LIMD2: variants seen among roughly 807,000 people sequenced by gnomAD.
LIMD2 encodes the protein LIM domain containing 2.
Under a neutral mutation model 16.0 loss-of-function variants are expected in LIMD2, and 11 were observed. That is an observed-to-expected ratio of 0.69 (90% CI 0.43 to 1.14). LIMD2 has a LOEUF of 1.14. Ranked by LOEUF, LIMD2 falls within the 50% of genes most tolerant of loss-of-function variation. The pLI, the probability that LIMD2 is intolerant of heterozygous loss-of-function variation, is 0.00. For synonymous variants in LIMD2, 60 were observed against 67.1 expected, an observed-to-expected ratio of 0.89 and a Z score of 0.52; for missense variants, 168 against 165.8, an observed-to-expected ratio of 1.01 and a Z score of -0.07.
chr17:63,699,355 G>T lies in LIMD2; in HGVS notation c.-50-7C>A. The T allele has an allele frequency of 1.3e-6, 2 of 1,555,384 alleles. No homozygotes were observed. The highest frequency in any genetic ancestry group is 1.7e-6 in the Non-Finnish European group (2 of 1,151,436). On this transcript the variant is annotated splice_polypyrimidine_tract_variant and splice_region_variant and intron_variant, in intron 1 of 4. Transcript: ENST00000259006. ...AAGCGGCACCCGCTGGGTTCTGCAA[G>T]GGGAAGTCAGTCGGGAGGGCCCCGC...
intron 1 of LIMD2, chr17:63,699,661 G>A: frequency 3.6e-6 from 1 of 277,608 alleles, no homozygotes; most frequent in Non-Finnish European, 5.7e-6. Context: ...GTCGGGGCCG[G>A]CGGGGCCGCG....
intron 1 of LIMD2, chr17:63,699,671 G>A (rs537014733): frequency 2.0e-4 from 59 of 302,380 alleles, no homozygotes; most frequent in African/African-American, 1.3e-3. Flanking sequence ...GCGGGGCCGC[G>A]ATGAGAAGCC....
chr17:63,700,069 G>T lies in LIMD2; in HGVS notation c.-88C>A. ...GGGCCGCGGGGCGGGATCGGTCTCC[G>T]GGGGCGCACGGGTACGAGGAGGGCG... On this transcript the variant is annotated 5_prime_UTR_variant, in exon 1 of 5. Coordinates refer to ENST00000259006, the MANE Select transcript of LIMD2 (RefSeq NM_030576.4). This position sits in a 1 kb window ranked among gnomAD's most constrained non-coding sequence, Gnocchi z 7.1. 2 of 984,406 alleles carry T rather than the reference G, an allele frequency of 2.0e-6. No homozygotes were observed. Among genetic ancestry groups the T allele is most frequent in the South Asian group, 9.1e-5 (2 of 21,964 alleles). 61.0% of individuals were successfully genotyped at this position (984,406 alleles called of 1,614,324 possible).
chr17:63,699,215 G>T (rs1256873485), intron 2 of LIMD2, 42 bp downstream of exon 2: 1 of 1,608,274 alleles, frequency 6.2e-7, no homozygotes, highest in South Asian at 1.1e-5. Context: ...CCCCAGGCCA[G>T]GCTCCTGTCC....
At position 63,696,040 on chromosome 17, in the gene LIMD2, T is replaced by C. The variant is rs2035685786; in HGVS notation, c.*2512A>G. The C allele has an allele frequency of 6.6e-6, 1 of 152,542 alleles. No homozygotes were observed. The highest frequency in any genetic ancestry group is 1.5e-5 in the Non-Finnish European group (1 of 68,078). 9.4% of individuals were successfully genotyped at this position (152,542 alleles called of 1,614,324 possible). A position where few individuals can be genotyped will look rare whatever the true frequency, so the allele number is the denominator to read the frequency against. On this transcript the variant is annotated 3_prime_UTR_variant, in exon 5 of 5. Coordinates refer to ENST00000259006, the MANE Select transcript of LIMD2 (RefSeq NM_030576.4). ...GTGGGAAGGGGCCGTGCCGTCACTT[T>C]CTCATCATTCCATGGGGTGTGTCTG...
chr17:63,697,395 A>G lies in LIMD2; in HGVS notation c.*1157T>C, dbSNP rs2089350885. ...TTACTTCCAGGTCAAAGGGCTGGGA[A>G]GAAGGGAGGGAGCTAGACAGCTGGA... is the stretch of plus-strand genomic sequence containing the variant. On this transcript the variant is annotated 3_prime_UTR_variant, in exon 5 of 5. Coordinates refer to ENST00000259006, the MANE Select transcript of LIMD2 (RefSeq NM_030576.4). 6.6e-6 allele frequency: 1 copy of G among 152,232 alleles called. No individual in the cohort carries two copies. Among genetic ancestry groups the G allele is most frequent in the African/African-American group, 2.4e-5 (1 of 41,432 alleles). 9.4% of individuals were successfully genotyped at this position (152,232 alleles called of 1,614,324 possible). A position where few individuals can be genotyped will look rare whatever the true frequency, so the allele number is the denominator to read the frequency against.
At chr17:63,698,775 G>A in intron 4 of LIMD2, 24 bp downstream of exon 4, 1 of 1,612,580 alleles carries the variant, frequency 6.2e-7, no homozygotes, top group Non-Finnish European at 8.5e-7. Context: ...AGGCGAGGCG[G>A]GGGCGGGCAG....
chr17:63,699,874 C>G (rs1179661720), intron 1 of LIMD2, 158 bp downstream of exon 1: 1 of 984,214 alleles, frequency 1.0e-6, no homozygotes, highest in Non-Finnish European at 1.2e-6. Flanking sequence ...CTCCGCCCAG[C>G]CGGGGGCCGG....
At chr17:63,701,029 G>A (rs777754629), upstream of LIMD2, 1 of 152,242 alleles carries the variant, frequency 6.6e-6, no homozygotes, top group African/African-American at 2.4e-5. Context: ...TGAGGTGACA[G>A]AGCTTGGGCC....
chr17:63,698,912 C>T lies in LIMD2; in HGVS notation c.111G>A (p.Lys37=), dbSNP rs186995490. The part of the protein sequence containing the change: ...SKSFSLRAQV[K]ETCAACQKTV... ...TCTTCTGGCAGGCGGCGCAGGTCTCCTTCACCTGGGCCCGCAGGCTGAAGG... is the reference window on the plus strand; with the variant it reads ...TCTTCTGGCAGGCGGCGCAGGTCTCTTTCACCTGGGCCCGCAGGCTGAAGG... Residue 37 remains lysine, a synonymous_variant, in exon 4 of 5, where the codon AAG becomes AAA. Coordinates refer to ENST00000259006, the MANE Select transcript of LIMD2 (RefSeq NM_030576.4). The T allele has an allele frequency of 2.1e-4, 338 of 1,612,850 alleles. 1 individual carries two copies. In the East Asian group the frequency reaches 7.0e-3, roughly 34 times the overall value.
intron 2 of LIMD2, 60 bp downstream of exon 2, chr17:63,699,197 C>T (rs1160683698): frequency 1.2e-6 from 2 of 1,601,042 alleles, no homozygotes; most frequent in Non-Finnish European, 1.7e-6. Flanking sequence ...TGATGCCTCT[C>T]CCCTTCACCC....
chr17:63,700,831 C>T (rs1254645478), upstream of LIMD2: 3 of 152,120 alleles, frequency 2.0e-5, no homozygotes, highest in Non-Finnish European at 4.4e-5. The surrounding 1 kb of genome is among the most constrained non-coding windows in gnomAD (Gnocchi z 7.1). Context: ...GCAGCCCCCC[C>T]AGCCCTCGGC....
chr17:63,699,566 A>T, intron 1 of LIMD2: 1 of 418,202 alleles, frequency 2.4e-6, no homozygotes. Context: ...CGGAAGAACA[A>T]AGTTAGCGGG....
chr17:63,699,340 C>A lies in LIMD2; in HGVS notation c.-42G>T. The A allele has an allele frequency of 6.3e-7, 1 of 1,582,230 alleles. No homozygotes were observed. The highest frequency in any genetic ancestry group is 8.6e-7 in the Non-Finnish European group (1 of 1,164,184). On this transcript the variant is annotated 5_prime_UTR_variant, in exon 2 of 5. Coordinates refer to ENST00000259006, the MANE Select transcript of LIMD2 (RefSeq NM_030576.4). ...AAGCCTCGGGTGGAGAAGCGGCACCCGCTGGGTTCTGCAAGGGGAAGTCAG... is the reference window on the plus strand; with the variant it reads ...AAGCCTCGGGTGGAGAAGCGGCACCAGCTGGGTTCTGCAAGGGGAAGTCAG...
In LIMD2 at chr17:63,700,019, C is replaced by G. The variant is rs1406277804; in HGVS notation, c.-51+13G>C. ...CCGGAGCCGGACGCGGCCCCTCCCC[C>G]CGCGGCTCTCACCAGGCCCGGCCTG... On this transcript the variant is annotated intron_variant, in intron 1 of 4. Transcript: ENST00000259006. This position sits in a 1 kb window ranked among gnomAD's most constrained non-coding sequence, Gnocchi z 7.1. 4.1e-6 allele frequency: 4 copies of G among 984,098 alleles called. No homozygotes were observed. The Admixed American group carries it at 1.9e-4, about 46-fold the overall frequency. 61.0% of individuals were successfully genotyped at this position (984,098 alleles called of 1,614,324 possible).
In LIMD2 at chr17:63,699,067, G is replaced by T. The variant is rs1318144043; in HGVS notation, c.45C>A (p.Asp15Glu). The change falls in exon 3 of 5, where the codon GAC (aspartate) becomes GAA (glutamate). Residue 15 changes from aspartate to glutamate, a missense_variant and splice_region_variant. Asp to Glu is a conservative substitution (Grantham distance 45). Transcript: ENST00000259006. ...AGAAQATPSH[D>E]AKGGGSSTVQ... ...CCGTGCTGCTGCCGCCGCCTTTGGC[G>T]TCCTGAGGGAGAGGGGCGGTCAGGG... The T allele has an allele frequency of 4.4e-6, 7 of 1,605,244 alleles. No individual in the cohort carries two copies. The highest frequency in any genetic ancestry group is 5.9e-6 in the Non-Finnish European group (7 of 1,177,160).
rs2035712872 is a variant in LIMD2 at position 63,697,718 on chromosome 17, AG to A, written c.*833del. 6.6e-6 allele frequency: 1 copy of A among 152,190 alleles called. No individual in the cohort carries two copies. Among genetic ancestry groups the A allele is most frequent in the Non-Finnish European group, 1.5e-5 (1 of 68,046 alleles). 9.4% of individuals were successfully genotyped at this position (152,190 alleles called of 1,614,324 possible). ...TAGCTCCCTGCCCCCATCAGGGCCG[AG>A]GTAGTCGGGGCTGGCCCTGTCCCCC... On this transcript the variant is annotated 3_prime_UTR_variant, in exon 5 of 5. Coordinates refer to ENST00000259006, the MANE Select transcript of LIMD2 (RefSeq NM_030576.4).
chr17:63,700,074 C>T lies in LIMD2; in HGVS notation c.-93G>A. The T allele has an allele frequency of 1.0e-6, 1 of 984,610 alleles. No individual in the cohort carries two copies. Among genetic ancestry groups the T allele is most frequent in the Non-Finnish European group, 1.2e-6 (1 of 829,314 alleles). The allele number at this position is 984,610 out of a possible 1,614,324, so 61.0% of individuals were successfully genotyped here. ...GCGGGGCGGGATCGGTCTCCGGGGG[C>T]GCACGGGTACGAGGAGGGCGCGGGC... is the stretch of plus-strand genomic sequence containing the variant. On this transcript the variant is annotated 5_prime_UTR_variant, in exon 1 of 5. Transcript: ENST00000259006. The surrounding 1 kb of genome is among the most constrained non-coding windows in gnomAD (Gnocchi z 7.1).
rs1485257345 is a variant in LIMD2 at position 63,698,499 on chromosome 17, T to TCC, written c.*51_*52dup. The TCC allele has an allele frequency of 3.8e-6, 6 of 1,585,762 alleles. No individual in the cohort carries two copies. Among genetic ancestry groups the TCC allele is most frequent in the Non-Finnish European group, 5.1e-6 (6 of 1,165,898 alleles). ...GCCCAGCTCGACCTCCTTCCCACCT[T>TCC]CCCCCTGCCGGCTCCAGGCCTTCCG... On this transcript the variant is annotated 3_prime_UTR_variant, in exon 5 of 5. Transcript: ENST00000259006.
Sources: gnomAD v4.1 joint callset for allele counts on GRCh38, gnomAD v4.1.1 for gene constraint, Gnocchi (gnomAD v3.1) non-coding constraint, MANE v1.5 for transcripts, NCBI Gene and HGNC (gene_info 2026-07-23, HGNC 2026-07-21) for gene names.